Variants in HIF3A observed in about 807,000 individuals in gnomAD.
HIF3A encodes the protein hypoxia inducible factor 3 subunit alpha.
A neutral mutation model predicts 67.2 loss-of-function variants in HIF3A; 41 were observed. The ratio of observed to expected loss-of-function variants is 0.61; its 90% CI spans 0.48 to 0.79. The LOEUF is 0.79. HIF3A is among the 30% of genes least tolerant of loss of function. HIF3A has a pLI of 0.00. For missense variants in HIF3A, 855 were observed against 898.0 expected (o/e 0.95, Z 0.61); for synonymous variants, 356 against 374.8 (o/e 0.95, Z 0.58).
chr19:46,310,993 G>A (rs987010515), intron 6 of HIF3A, among the ~76,000 whole-genome samples: 3 of 152,088 alleles, frequency 2.0e-5, no homozygotes, highest in Admixed American at 6.6e-5. Flanking sequence ...TCAGGTGATC[G>A]GCCCGCCTCG....
chr19:46,299,778 C>G (rs574293400), intron 1 of HIF3A, among the ~76,000 whole-genome samples: 6 of 151,658 alleles, frequency 4.0e-5, no homozygotes, highest in African/African-American at 1.4e-4. Context: ...TTCCACCACC[C>G]CAGATCAAGA....
At chr19:46,310,837 A>G in intron 6 of HIF3A, 1 of 267,870 alleles carries the variant, frequency 3.7e-6, no homozygotes, top group Non-Finnish European at 7.5e-6. Flanking sequence ...TGCAACGTCC[A>G]CCTCCCGGGT....
chr19:46,329,803 G>A (rs556703462), intron 12 of HIF3A, among the ~76,000 whole-genome samples: 1 of 151,816 alleles, frequency 6.6e-6, no homozygotes, highest in Non-Finnish European at 1.5e-5. Flanking sequence ...GTGTGTCAGA[G>A]AAACTATCTA....
chr19:46,334,837 C>G, intron 13 of HIF3A, 68 bp from the exon 14 acceptor site: 2 of 1,334,424 alleles, frequency 1.5e-6, no homozygotes, highest in Non-Finnish European at 2.1e-6. Context: ...ATTACAGTCA[C>G]CACTCCCGGC....
intron 8 of HIF3A, among the ~76,000 whole-genome samples, chr19:46,317,216 C>T (rs1038278530): frequency 6.6e-6 from 1 of 151,742 alleles, no homozygotes; most frequent in African/African-American, 2.4e-5. Flanking sequence ...CCCTGGTACC[C>T]AGCCTATAAT....
chr19:46,333,907 C>G (rs973242746), intron 13 of HIF3A, among the ~76,000 whole-genome samples: 1 of 149,772 alleles, frequency 6.7e-6, no homozygotes, highest in Non-Finnish European at 1.5e-5. Context: ...ATTCTCCTGC[C>G]TCAGCCTCCC....
chr19:46,331,229 C>T lies in HIF3A; in HGVS notation c.1786C>T (p.Pro596Ser). The change falls in exon 13 of 15, where the codon CCC (proline) becomes TCC (serine). Residue 596 changes from proline (P) to serine (S), a missense_variant. Around this residue, in one of 3 missense-constraint regions of HIF3A, gnomAD observed 199 missense variants for 193.8 expected, o/e 1.03. Transcript: ENST00000377670. ...LLGVRPPKRS[P>S]SPEHENFLLF... ...GGGAGTGAGACCTCCCAAAAGGTCC[C>T]CCAGCCCAGAACACGAAAACTTTCT... is the stretch of plus-strand genomic sequence containing the variant. 4 of 1,613,984 alleles carry T rather than the reference C, an allele frequency of 2.5e-6. No homozygotes were observed. Among genetic ancestry groups the T allele is most frequent in the Non-Finnish European group, 3.4e-6 (4 of 1,179,964 alleles).
At position 46,320,498 on chromosome 19, in the gene HIF3A, C is replaced by A; in HGVS notation, c.1081C>A (p.Arg361Ser). ...CCTGGAGCAAACGGAGCAACACTCT[C>A]GCAGACCCATTCAGCGGGGCGCCCC... ...LSLEQTEQHS[R>S]RPIQRGAPSQ... The change falls in exon 9 of 15, where the codon CGC (arginine) becomes AGC (serine). Residue 361 changes from arginine (R) to serine (S), a missense_variant. Coordinates refer to ENST00000377670, the MANE Select transcript of HIF3A (RefSeq NM_152795.4). The A allele has an allele frequency of 6.2e-7, 1 of 1,614,156 alleles. No individual in the cohort carries two copies. The highest frequency in any genetic ancestry group is 8.5e-7 in the Non-Finnish European group (1 of 1,180,034).
Position 46,329,401 on chromosome 19 carries a change from T to A in HIF3A, c.1635T>A (p.Ser545Arg). 6.2e-7 allele frequency: 1 copy of A among 1,606,984 alleles called. No individual in the cohort carries two copies. Among genetic ancestry groups the A allele is most frequent in the African/African-American group, 1.3e-5 (1 of 74,816 alleles). The part of the protein sequence containing the change: ...LEPSLLPRWG[S>R]DPRLSCSSPS... ...CCTCCCTGCTACCCCGCTGGGGGAGTGACCCCCGGCTGAGCTGCTCCAGCC... is the reference window on the plus strand; with the variant it reads ...CCTCCCTGCTACCCCGCTGGGGGAGAGACCCCCGGCTGAGCTGCTCCAGCC... Residue 545 changes from serine to arginine, a missense_variant, in exon 12 of 15, where the codon AGT (serine) becomes AGA (arginine). Ser to Arg is a moderately radical substitution (Grantham distance 110). Around this residue, in one of 3 missense-constraint regions of HIF3A, gnomAD observed 199 missense variants for 193.8 expected, o/e 1.03. Transcript: ENST00000377670.
chr19:46,325,196 C>G (rs561883915), intron 10 of HIF3A, among the ~76,000 whole-genome samples: 26 of 151,816 alleles, frequency 1.7e-4, no homozygotes, highest in African/African-American at 6.0e-4. Context: ...AGGGTTTCAC[C>G]CTGTTGGCCA....
At chr19:46,318,623 T>C (rs1262033251) in intron 8 of HIF3A, among the ~76,000 whole-genome samples, 1 of 151,366 alleles carries the variant, frequency 6.6e-6, no homozygotes, top group Non-Finnish European at 1.5e-5. Context: ...ATTTTATTTA[T>C]TTATTTATTT....
chr19:46,299,481 A>G (rs538681211), intron 1 of HIF3A, among the ~76,000 whole-genome samples: 1 of 152,084 alleles, frequency 6.6e-6, no homozygotes, highest in African/African-American at 2.4e-5. Flanking sequence ...GCACTTTGGG[A>G]GGCTGAGGTG....
chr19:46,320,001 A>AAGGGGG (rs1970234533), intron 8 of HIF3A, among the ~76,000 whole-genome samples: 1 of 152,142 alleles, frequency 6.6e-6, no homozygotes, highest in East Asian at 1.9e-4. Context: ...AGGCTGAGGC[A>AAGGGGG]GGTGGATCAC....
intron 3 of HIF3A, among the ~76,000 whole-genome samples, chr19:46,307,704 C>T (rs2147144100): frequency 6.7e-6 from 1 of 149,076 alleles, no homozygotes; most frequent in East Asian, 2.0e-4. Context: ...GCTGAGATCG[C>T]ACCACTACAC....
Position 46,303,949 on chromosome 19 carries a change from G to A in HIF3A, c.78G>A (p.Arg26=), listed in dbSNP as rs768347653. 8 of 1,607,042 alleles carry A rather than the reference G, an allele frequency of 5.0e-6. No homozygotes were observed. The highest frequency in any genetic ancestry group is 5.9e-6 in the Non-Finnish European group (7 of 1,177,388). Residue 26 remains arginine (R), a synonymous_variant, in exon 2 of 15, where the codon CGG becomes CGA. Coordinates refer to ENST00000377670, the MANE Select transcript of HIF3A (RefSeq NM_152795.4). ...AGTCCCGGGATGCGGCCCGCAGCCG[G>A]CGCAGCCAGGAGACCGAGGTGCTGT... is the stretch of plus-strand genomic sequence containing the variant. ...KEKSRDAARS[R]RSQETEVLYQ...
chr19:46,306,518 C>T (rs1968867424), intron 3 of HIF3A: 1 of 152,190 alleles, frequency 6.6e-6, no homozygotes, highest in South Asian at 2.1e-4. Flanking sequence ...TGTGCAGAGG[C>T]CATGCTAATC....
chr19:46,324,925 T>A (rs149127700), intron 10 of HIF3A, among the ~76,000 whole-genome samples: 7,091 of 143,706 alleles, frequency 0.049, 589 homozygotes, highest in African/African-American at 0.17. Context: ...CACATATATA[T>A]ATACACATAT....
In HIF3A at chr19:46,303,936, C is replaced by T. The variant is rs1968569237; in HGVS notation, c.65C>T (p.Ala22Val). ...TELRKEKSRD[A>V]ARSRRSQETE... ...CTGCGCAAGGAAAAGTCCCGGGATG[C>T]GGCCCGCAGCCGGCGCAGCCAGGAG... Residue 22 changes from alanine (A) to valine (V), a missense_variant, in exon 2 of 15, where the codon GCG (alanine) becomes GTG (valine). By Grantham distance (64) the Ala-to-Val change is moderately conservative. Coordinates refer to ENST00000377670, the MANE Select transcript of HIF3A (RefSeq NM_152795.4). 5 of 1,607,790 alleles carry T rather than the reference C, an allele frequency of 3.1e-6. No individual in the cohort carries two copies. The highest frequency in any genetic ancestry group is 3.4e-5 in the Admixed American group (2 of 59,398).
Position 46,298,361 on chromosome 19 carries a change from G to A in HIF3A, c.26+1259G>A, listed in dbSNP as rs1056424044. The A allele has an allele frequency of 8.6e-6, 11 of 1,279,792 alleles. No homozygotes were observed. In the Admixed American group the frequency reaches 2.6e-4, roughly 30 times the overall value. The allele number at this position is 1,279,792 out of a possible 1,614,324, so 79.3% of individuals were successfully genotyped here. Reference sequence around the variant, plus strand: ...GGGGGCCCCTCTTGGCTGAGCTCGGGTGCCCCCCCTCCCCACCCAAGGCCG... The same window carrying A: ...GGGGGCCCCTCTTGGCTGAGCTCGGATGCCCCCCCTCCCCACCCAAGGCCG... On this transcript the variant is annotated intron_variant, in intron 1 of 14. Transcript: ENST00000377670.
Sources: allele counts gnomAD v4.1 joint callset (sites outside exome capture counted in the v4.1 genomes callset), GRCh38; gene constraint gnomAD v4.1.1; regional missense constraint gnomAD v4.1.1; transcripts MANE v1.5; gene names NCBI Gene and HGNC (gene_info 2026-07-23, HGNC 2026-07-21).